Variants in CUBN observed in about 807,000 individuals in gnomAD.
The protein encoded by CUBN is 460 kDa receptor.
CUBN carries 282 observed loss-of-function variants against 405.3 expected under a neutral mutation model. The ratio of observed to expected loss-of-function variants is 0.70; its 90% confidence interval spans 0.63 to 0.77. The LOEUF is 0.77. Ranked by LOEUF, CUBN falls within the 30% of genes least tolerant of loss-of-function variation. The pLI, the probability that CUBN is intolerant of heterozygous loss-of-function variation, is 0.00. For synonymous variants in CUBN, 1,684 were observed against 1,617.0 expected, an observed-to-expected ratio of 1.04 and a Z score of -0.99; for missense variants, 4,514 against 4,475.2, an observed-to-expected ratio of 1.01 and a Z score of -0.25.
intron 21 of CUBN, among the ~76,000 whole-genome samples, 195 bp from the exon 22 acceptor site, chr10:17,065,833 C>T (rs1302344859): frequency 2.0e-5 from 3 of 152,062 alleles, no homozygotes; most frequent in East Asian, 3.9e-4. Flanking sequence ...GATTATATCC[C>T]TGAAATGGTT....
chr10:17,002,582 C>T (rs539649911), intron 28 of CUBN, among the ~76,000 whole-genome samples: 1 of 152,170 alleles, frequency 6.6e-6, no homozygotes, highest in Non-Finnish European at 1.5e-5. Context: ...TGAAGAGACT[C>T]AGAGCCAACA....
chr10:16,938,335 A>C (rs1035885699), intron 38 of CUBN, among the ~76,000 whole-genome samples: 8 of 152,204 alleles, frequency 5.3e-5, no homozygotes, highest in African/African-American at 1.9e-4. Flanking sequence ...TAAAATCTCA[A>C]ATTACCTATT....
In CUBN at chr10:16,840,450, G is replaced by A; in HGVS notation, c.9912C>T (p.Ser3304=). Residue 3304 remains serine, a synonymous_variant, in exon 62 of 67, where the codon TCC becomes TCT. Coordinates refer to ENST00000377833, the MANE Select transcript of CUBN (RefSeq NM_001081.4). ...PNSSDPDVPF[S]ICTWVIDSPP... ...GGGAATCAATGACCCAAGTACAGAT[G>A]GAAAATGGGACATCTGGGTCTGATG... 1 of 1,614,022 alleles carries A rather than the reference G, an allele frequency of 6.2e-7. No individual in the cohort carries two copies. The highest frequency in any genetic ancestry group is 8.5e-7 in the Non-Finnish European group (1 of 1,179,934).
At chr10:17,042,878 A>G (rs957200422) in intron 26 of CUBN, among the ~76,000 whole-genome samples, 17 of 152,142 alleles carry the variant, frequency 1.1e-4, no homozygotes, top group African/African-American at 3.4e-4. Flanking sequence ...CCACTTTCAG[A>G]TAATTACATA....
intron 8 of CUBN, among the ~76,000 whole-genome samples, chr10:17,112,510 T>C (rs974579655): frequency 2.0e-5 from 3 of 152,138 alleles, no homozygotes; most frequent in Admixed American, 1.3e-4. Context: ...AAGAAGAATG[T>C]AAAAACATTG....
chr10:17,014,064 G>C (rs1208672243), intron 28 of CUBN, among the ~76,000 whole-genome samples: 2 of 152,188 alleles, frequency 1.3e-5, no homozygotes, highest in South Asian at 2.1e-4. Context: ...TGGTATCTAA[G>C]TAGGCGGTTG....
chr10:16,840,687 G>C (rs1355835292), intron 61 of CUBN, 152 bp from the exon 62 acceptor site: 2 of 883,374 alleles, frequency 2.3e-6, no homozygotes, highest in East Asian at 2.6e-5. Context: ...CTTGACTAAA[G>C]ATTGTATCAA....
intron 22 of CUBN, among the ~76,000 whole-genome samples, chr10:17,063,903 G>A (rs192627135): frequency 1.4e-3 from 211 of 152,298 alleles, no homozygotes; most frequent in African/African-American, 4.8e-3. Context: ...AGAAAACTGT[G>A]GCCTAGAGAG....
chr10:16,849,302 C>G (rs915331491), intron 60 of CUBN, among the ~76,000 whole-genome samples: 1 of 152,150 alleles, frequency 6.6e-6, no homozygotes, highest in Non-Finnish European at 1.5e-5. Flanking sequence ...TTTTCCTGTG[C>G]CTTTTGCCTT....
intron 34 of CUBN, among the ~76,000 whole-genome samples, chr10:16,948,885 T>C (rs1365264212): frequency 2.0e-5 from 3 of 152,266 alleles, no homozygotes; most frequent in African/African-American, 7.2e-5. Flanking sequence ...CACATGTACC[T>C]AAAGCAAAAA....
chr10:16,984,423 T>A, intron 29 of CUBN, 144 bp from the exon 30 acceptor site: 1 of 812,776 alleles, frequency 1.2e-6, no homozygotes. Context: ...GGGGATGCAC[T>A]ATAAACTTGA....
At chr10:17,098,598 T>C (rs1203704887) in intron 14 of CUBN, among the ~76,000 whole-genome samples, 1 of 152,060 alleles carries the variant, frequency 6.6e-6, no homozygotes, top group East Asian at 1.9e-4. Context: ...GGAAAAGAAA[T>C]AATAGTTACA....
chr10:17,046,716 T>A (rs192140116), intron 23 of CUBN, among the ~76,000 whole-genome samples: 45 of 152,294 alleles, frequency 3.0e-4, no homozygotes, highest in African/African-American at 1.1e-3. Context: ...TATGATTTAT[T>A]ATTTTAATAC....
intron 17 of CUBN, among the ~76,000 whole-genome samples, chr10:17,076,848 G>A (rs1835865582): frequency 6.6e-6 from 1 of 152,174 alleles, no homozygotes; most frequent in African/African-American, 2.4e-5. Flanking sequence ...AACTGCAATG[G>A]ATCCAAAACT....
intron 22 of CUBN, among the ~76,000 whole-genome samples, chr10:17,058,344 C>A (rs1367876854): frequency 6.6e-6 from 1 of 151,886 alleles, no homozygotes; most frequent in Non-Finnish European, 1.5e-5. Context: ...GTACACAATT[C>A]TGAAAATTAT....
intron 28 of CUBN, among the ~76,000 whole-genome samples, chr10:17,006,995 C>T (rs1403468588): frequency 6.6e-6 from 1 of 152,200 alleles, no homozygotes; most frequent in Non-Finnish European, 1.5e-5. Flanking sequence ...GGTTCGCTCC[C>T]TTTGCAAATG....
At chr10:17,041,430 C>A (rs1835017063) in intron 26 of CUBN, among the ~76,000 whole-genome samples, 1 of 151,722 alleles carries the variant, frequency 6.6e-6, no homozygotes, top group Non-Finnish European at 1.5e-5. Flanking sequence ...AAAGGATTTC[C>A]ATTTAGAAGA....
intron 55 of CUBN, among the ~76,000 whole-genome samples, chr10:16,888,856 G>T (rs1026415713): frequency 1.3e-5 from 2 of 152,000 alleles, no homozygotes; most frequent in Non-Finnish European, 2.9e-5. Context: ...ATTAAGAAAG[G>T]ATAAACGAGC....
chr10:16,998,463 G>A (rs61364484), intron 28 of CUBN, among the ~76,000 whole-genome samples: 7,945 of 152,226 alleles, frequency 0.052, 746 homozygotes, highest in African/African-American at 0.18. Flanking sequence ...CCCTAGAGCC[G>A]TCAGAGGGAT....
Sources: allele counts gnomAD v4.1 joint callset (sites outside exome capture counted in the v4.1 genomes callset), GRCh38; gene constraint gnomAD v4.1.1; transcripts MANE v1.5; gene names NCBI Gene and HGNC (gene_info 2026-07-23, HGNC 2026-07-21).